GOLGA3: variants seen among roughly 807,000 people sequenced by gnomAD.
GOLGA3 encodes golgin subfamily A member 3.
GOLGA3 carries 75 observed loss-of-function variants against 169.4 expected under a neutral mutation model. The ratio of observed to expected loss-of-function variants is 0.44; its 90% CI spans 0.37 to 0.54. The LOEUF (loss-of-function observed/expected upper bound fraction) is 0.54. Among genes scored for constraint, GOLGA3 ranks in the 20% least tolerant of loss-of-function variants. The probability of loss-of-function intolerance (pLI) is 0.00; values close to 1 mark genes in which losing one functional copy is unlikely to be tolerated. For missense variants in GOLGA3, 1,899 were observed against 1,930.0 expected, an observed-to-expected ratio of 0.98 and a Z score of 0.30; for synonymous variants, 824 against 822.4, an observed-to-expected ratio of 1.00 and a Z score of -0.03.
chr12:132,795,908 C>A lies in GOLGA3; in HGVS notation c.2413G>T (p.Glu805Ter), dbSNP rs578217150. Reference protein sequence around the residue: ...GARRLEEGTEETSETLEKLRE... With the variant: ...GARRLEEGTE The stretch of plus-strand genomic sequence containing the variant: ...AACTTCTCTAAAGTTTCCGACGTTT[C>A]CTCGGTACCTTCTTCCAAGCGTCTT... Residue 805 changes from glutamate to a stop codon, truncating the protein, a stop_gained, in exon 11 of 24, where the codon GAA becomes TAA. Coordinates refer to ENST00000450791, the MANE Select transcript of GOLGA3 (RefSeq NM_001389683.1). LOFTEE classifies it high-confidence loss of function. 6.2e-7 allele frequency: 1 copy of A among 1,614,176 alleles called. No individual in the cohort carries two copies. Among genetic ancestry groups the A allele is most frequent in the African/African-American group, 1.3e-5 (1 of 75,058 alleles).
chr12:132,813,946 G>A (rs1459367104), intron 3 of GOLGA3, among the ~76,000 whole-genome samples: 21 of 151,284 alleles, frequency 1.4e-4, no homozygotes, highest in East Asian at 1.9e-4. Flanking sequence ...GGATGGTCTC[G>A]ATCTCCTGAC....
chr12:132,780,217 C>T (rs1167128525), intron 18 of GOLGA3, among the ~76,000 whole-genome samples: 3 of 151,980 alleles, frequency 2.0e-5, no homozygotes, highest in African/African-American at 4.8e-5. Context: ...CACGTGCACG[C>T]ACACCCCCCA....
chr12:132,798,846 C>T (rs1216381847), intron 8 of GOLGA3, among the ~76,000 whole-genome samples: 1 of 152,212 alleles, frequency 6.6e-6, no homozygotes, highest in African/African-American at 2.4e-5. Context: ...CTGAACAAAT[C>T]CAGCCAGACA....
rs1232547696 is a variant in GOLGA3, at chr12:132,777,598, G to T, written c.3722+68C>A. On this transcript the variant is annotated intron_variant, in intron 19 of 23. Coordinates refer to ENST00000450791, the MANE Select transcript of GOLGA3 (RefSeq NM_001389683.1). This position sits in a 1 kb window ranked among gnomAD's most constrained non-coding sequence, Gnocchi z 4.7. ...ATAGATGACCCTCGCTGTGCTGAAGGTGTGAATTAGACCCCGCCCATTGCC... is the reference window on the plus strand; with the variant it reads ...ATAGATGACCCTCGCTGTGCTGAAGTTGTGAATTAGACCCCGCCCATTGCC... 4 of 1,553,692 alleles carry T rather than the reference G, an allele frequency of 2.6e-6. No homozygotes were observed. Among genetic ancestry groups the T allele is most frequent in the Admixed American group, 3.5e-5 (2 of 57,806 alleles).
At chr12:132,800,863 G>A (rs1433688779) in intron 8 of GOLGA3, among the ~76,000 whole-genome samples, 1 of 152,188 alleles carries the variant, frequency 6.6e-6, no homozygotes, top group Admixed American at 6.5e-5. Flanking sequence ...AGAGGCTGAG[G>A]TAGGAGAATA....
chr12:132,809,587 G>A (rs1403334130), intron 4 of GOLGA3, among the ~76,000 whole-genome samples: 1 of 152,232 alleles, frequency 6.6e-6, no homozygotes, highest in African/African-American at 2.4e-5. Context: ...GCCCTCTGGT[G>A]GCCCTGTCTG....
intron 3 of GOLGA3, among the ~76,000 whole-genome samples, chr12:132,814,041 T>C (rs1949843907): frequency 2.0e-5 from 2 of 101,546 alleles, no homozygotes; most frequent in South Asian, 5.5e-4. Context: ...TTTTTTTTTT[T>C]GAGACGGAGT....
rs762778727 is a variant in GOLGA3, at chr12:132,822,026, C to T, written c.103G>A (p.Val35Met). ...ACTTTGTCCTGCTGGTCAGGTGGCA[C>T]CAGTGGGCCCGGGGGCTTCAGTGGG... is the stretch of plus-strand genomic sequence containing the variant. ...EAPLKPPGPL[V>M]PPDQQDKVQC... The change falls in exon 2 of 24, where the codon GTG becomes ATG. Residue 35 changes from valine (V) to methionine (M), a missense_variant. Physicochemically the swap from Val to Met is conservative, Grantham distance 21. Coordinates refer to ENST00000450791, the MANE Select transcript of GOLGA3 (RefSeq NM_001389683.1). 8.1e-6 allele frequency: 13 copies of T among 1,609,814 alleles called. No homozygotes were observed. The South Asian group carries it at 9.9e-5, about 12-fold the overall frequency.
chr12:132,821,920 T>C, intron 2 of GOLGA3, 76 bp downstream of exon 2: 1 of 758,034 alleles, frequency 1.3e-6, no homozygotes, highest in Non-Finnish European at 2.0e-6. Flanking sequence ...CAACGCCACA[T>C]CCTCCCTCAA....
At chr12:132,822,400 T>C in intron 1 of GOLGA3, 89 bp from the exon 2 acceptor site, 1 of 693,796 alleles carries the variant, frequency 1.4e-6, no homozygotes, top group Non-Finnish European at 2.2e-6. Flanking sequence ...CCAATTTGCA[T>C]ACGTACAAGA....
chr12:132,813,583 T>C (rs1398052892), intron 3 of GOLGA3, among the ~76,000 whole-genome samples, 164 bp from the exon 4 acceptor site: 2 of 152,168 alleles, frequency 1.3e-5, no homozygotes, highest in African/African-American at 4.8e-5. Context: ...AAGAGAGAAC[T>C]GTGAGCCCCG....
chr12:132,806,263 A>C (rs1180649368), intron 6 of GOLGA3, among the ~76,000 whole-genome samples: 1 of 152,232 alleles, frequency 6.6e-6, no homozygotes, highest in African/African-American at 2.4e-5. Flanking sequence ...GAGGATAAGA[A>C]GACAAAGTGC....
rs1949133355 is a variant in GOLGA3, at chr12:132,801,672, G to C, written c.1800+95C>G. ...GCAGGTTAAAAACAAAAACATGCCTGTGAACTCTAAAAACAGAAAAATCTC... is the reference window on the plus strand; with the variant it reads ...GCAGGTTAAAAACAAAAACATGCCTCTGAACTCTAAAAACAGAAAAATCTC... On this transcript the variant is annotated intron_variant, in intron 8 of 23. Transcript: ENST00000450791. 2.5e-6 allele frequency: 3 copies of C among 1,220,908 alleles called. No homozygotes were observed. The South Asian group carries it at 3.9e-5, about 16-fold the overall frequency. 75.6% of individuals were successfully genotyped at this position (1,220,908 alleles called of 1,614,324 possible). A position where few individuals can be genotyped will look rare whatever the true frequency, so the allele number is the denominator to read the frequency against.
Position 132,822,050 on chromosome 12 carries a change from G to A in GOLGA3, c.79C>T (p.Pro27Ser), listed in dbSNP as rs138174554. The A allele has an allele frequency of 6.2e-5, 99 of 1,607,180 alleles. No individual in the cohort carries two copies. Among genetic ancestry groups the A allele is most frequent in the Non-Finnish European group, 8.1e-5 (95 of 1,177,558 alleles). The change falls in exon 2 of 24, where the codon CCA (proline) becomes TCA (serine). Residue 27 changes from proline (P) to serine (S), a missense_variant. By Grantham distance (74) the Pro-to-Ser change is moderately conservative (BLOSUM62 -1). Coordinates refer to ENST00000450791, the MANE Select transcript of GOLGA3 (RefSeq NM_001389683.1). ...ACCAGTGGGCCCGGGGGCTTCAGTG[G>A]GGCCTCGGGGAGAGACGAGGGGCCA... ...HSGPSSLPEA[P>S]LKPPGPLVPP...
Position 132,813,366 on chromosome 12 carries a change from C to T in GOLGA3, c.460G>A (p.Ala154Thr). The change falls in exon 4 of 24, where the codon GCT (alanine) becomes ACT (threonine). Residue 154 changes from alanine (A) to threonine (T), a missense_variant. Transcript: ENST00000450791. ...LEKEEQVRLQARKWLEEQLKQ... is the reference protein window; with the variant it reads ...LEKEEQVRLQTRKWLEEQLKQ... ...AGCTGCTCTTCCAGCCACTTCCGAG[C>T]CTGAAGTCGGACCTGCTCCTCCTTC... The T allele has an allele frequency of 6.2e-7, 1 of 1,613,450 alleles. No individual in the cohort carries two copies. The highest frequency in any genetic ancestry group is 8.5e-7 in the Non-Finnish European group (1 of 1,179,708).
chr12:132,783,840 T>C, intron 16 of GOLGA3: 10 of 1,319,032 alleles, frequency 7.6e-6, no homozygotes, highest in East Asian at 2.7e-5. Flanking sequence ...CCTCCCAAAG[T>C]GCTGGGATTA....
chr12:132,788,061 C>T (rs1173357297), intron 13 of GOLGA3, among the ~76,000 whole-genome samples: 4 of 152,074 alleles, frequency 2.6e-5, no homozygotes, highest in African/African-American at 9.7e-5. Flanking sequence ...CTGTGGGGTC[C>T]GAACGTGCTC....
Position 132,804,662 on chromosome 12 carries a change from G to T in GOLGA3, c.1597+54C>A. ...GCGGGGGCCAGTCGAGGAAGGAGGAGGGAGCAGCAGGGACCAGTCAGGGAG... is the reference window on the plus strand; with the variant it reads ...GCGGGGGCCAGTCGAGGAAGGAGGATGGAGCAGCAGGGACCAGTCAGGGAG... On this transcript the variant is annotated intron_variant, in intron 7 of 23. Transcript: ENST00000450791. The surrounding 1 kb of genome is among the most constrained non-coding windows in gnomAD (Gnocchi z 4.1). 7.0e-7 allele frequency: 1 copy of T among 1,432,842 alleles called. No homozygotes were observed. The highest frequency in any genetic ancestry group is 1.2e-5 in the South Asian group (1 of 80,896). 88.8% of individuals were successfully genotyped at this position (1,432,842 alleles called of 1,614,324 possible). A position where few individuals can be genotyped will look rare whatever the true frequency, so the allele number is the denominator to read the frequency against.
chr12:132,775,001 C>T, intron 22 of GOLGA3, 140 bp downstream of exon 22: 1 of 646,260 alleles, frequency 1.5e-6, no homozygotes, highest in Non-Finnish European at 2.6e-6. Flanking sequence ...CACCCCATTA[C>T]CACTGACTAC....
Sources: gnomAD v4.1 joint callset for allele counts (sites outside exome capture counted in the v4.1 genomes callset) on GRCh38, gnomAD v4.1.1 for gene constraint, Gnocchi (gnomAD v3.1) non-coding constraint, MANE v1.5 for transcripts, NCBI Gene and HGNC (gene_info 2026-07-23, HGNC 2026-07-21) for gene names.